Variants in PRUNE2 observed in about 807,000 individuals in gnomAD.
PRUNE2 encodes prune homolog 2 with BCH domain.
Under a neutral mutation model 252.0 loss-of-function variants are expected in PRUNE2, and 164 were observed. That is an observed-to-expected ratio of 0.65 (90% confidence interval 0.57 to 0.74). PRUNE2 has a LOEUF of 0.74. PRUNE2 is among the 30% of genes least tolerant of loss of function. The pLI is 0.00. For synonymous variants in PRUNE2, 1,292 were observed against 1,350.2 expected, an observed-to-expected ratio of 0.96 and a Z score of 0.94; for missense variants, 3,495 against 3,711.0, an observed-to-expected ratio of 0.94 and a Z score of 1.51.
intron 6 of PRUNE2, 139 bp from the exon 7 acceptor site, chr9:76,713,860 A>C: frequency 3.7e-6 from 2 of 547,188 alleles, no homozygotes; most frequent in Non-Finnish European, 6.1e-6. Flanking sequence ...GTTTGCTTTG[A>C]GAAGGAGTGG....
chr9:76,644,566 G>A (rs1310563178), intron 12 of PRUNE2, 173 bp downstream of exon 12: 1 of 729,056 alleles, frequency 1.4e-6, no homozygotes, highest in Admixed American at 2.0e-5. Context: ...GATTTCAAAT[G>A]TTTATTGAAT....
chr9:76,641,285 C>A (rs471891), intron 12 of PRUNE2, among the ~76,000 whole-genome samples: 125,718 of 151,662 alleles, frequency 0.83, 52,057 homozygotes, highest in African/African-American at 0.87. Flanking sequence ...GCAAAAAGAG[C>A]AGGAAGAAAG....
At chr9:76,665,558 T>A (rs989332994) in intron 9 of PRUNE2, among the ~76,000 whole-genome samples, 1 of 152,084 alleles carries the variant, frequency 6.6e-6, no homozygotes, top group Non-Finnish European at 1.5e-5. Context: ...TGCCACCCTC[T>A]CCACACACAC....
At chr9:76,700,804 A>G (rs775059097) in intron 9 of PRUNE2, among the ~76,000 whole-genome samples, 6 of 152,104 alleles carry the variant, frequency 3.9e-5, no homozygotes, top group East Asian at 1.9e-4. Flanking sequence ...CCCGAAACAG[A>G]TATCTCTCCT....
At position 76,828,794 on chromosome 9, in the gene PRUNE2, T is replaced by A. The variant is rs907296170; in HGVS notation, c.509-2062A>T. On this transcript the variant is annotated intron_variant, in intron 4 of 18. Transcript: ENST00000376718. ...ACTTTGGGAGGCCAAGGCTGGTGGA[T>A]CACCTGAGGTCAGGAGTTTAAGACC... Among the ~76,000 whole-genome samples, 7 of 152,066 alleles carry A rather than the reference T, an allele frequency of 4.6e-5. No individual in the cohort carries two copies. In the South Asian group the frequency reaches 1.5e-3, roughly 32 times the overall value.
chr9:76,830,371 G>A (rs1313151567), intron 4 of PRUNE2, among the ~76,000 whole-genome samples: 2 of 152,082 alleles, frequency 1.3e-5, no homozygotes, highest in Non-Finnish European at 2.9e-5. Context: ...AAAAACTGTG[G>A]GTTGGGCACG....
chr9:76,647,481 A>ACAACACCAAAGGCATGATC (rs1365813742), intron 11 of PRUNE2, among the ~76,000 whole-genome samples: 2 of 152,116 alleles, frequency 1.3e-5, no homozygotes, highest in African/African-American at 2.4e-5. Context: ...CTTTTTAGAT[A>ACAACACCAAAGGCATGATC]CAACACCAAA....
At chr9:76,747,754 T>C (rs1419897208) in intron 6 of PRUNE2, among the ~76,000 whole-genome samples, 1 of 152,028 alleles carries the variant, frequency 6.6e-6, no homozygotes, top group Non-Finnish European at 1.5e-5. Flanking sequence ...TGAGTACAAC[T>C]CTGTCTTCCT....
At chr9:76,785,578 T>C (rs1452264955) in intron 6 of PRUNE2, 1 of 152,224 alleles carries the variant, frequency 6.6e-6, no homozygotes, top group Non-Finnish European at 1.5e-5. Context: ...CTTTAGAATT[T>C]TGGCAAATCA....
intron 1 of PRUNE2, among the ~76,000 whole-genome samples, chr9:76,883,019 C>T (rs900199805): frequency 1.3e-5 from 2 of 152,250 alleles, no homozygotes; most frequent in East Asian, 1.9e-4. Context: ...TTCTTTCAGG[C>T]CTCAATTTTC....
At chr9:76,824,837 T>C (rs928119141) in intron 5 of PRUNE2, among the ~76,000 whole-genome samples, 6 of 152,186 alleles carry the variant, frequency 3.9e-5, no homozygotes, top group African/African-American at 1.4e-4. Flanking sequence ...GACTCAAAAA[T>C]TGAAAAGCCA....
chr9:76,677,893 A>G (rs932801984), intron 9 of PRUNE2, among the ~76,000 whole-genome samples: 2 of 151,818 alleles, frequency 1.3e-5, no homozygotes, highest in African/African-American at 4.8e-5. Flanking sequence ...CTTCCCCCAC[A>G]CCCCACGAGG....
chr9:76,627,307 T>A (rs1835337592), intron 16 of PRUNE2, among the ~76,000 whole-genome samples: 1 of 137,852 alleles, frequency 7.3e-6, no homozygotes, highest in Admixed American at 7.5e-5. Flanking sequence ...GGCGGGGGGC[T>A]CACCATGTTG....
At chr9:76,743,187 T>C (rs2049802855) in intron 6 of PRUNE2, among the ~76,000 whole-genome samples, 1 of 152,208 alleles carries the variant, frequency 6.6e-6, no homozygotes, top group Non-Finnish European at 1.5e-5. Context: ...TGTGGAACTG[T>C]AAGTCAATTA....
At chr9:76,881,464 T>C (rs956536031) in intron 1 of PRUNE2, among the ~76,000 whole-genome samples, 1 of 152,244 alleles carries the variant, frequency 6.6e-6, no homozygotes, top group African/African-American at 2.4e-5. Context: ...AACAATTCAA[T>C]GGAATTTAGT....
intron 16 of PRUNE2, among the ~76,000 whole-genome samples, chr9:76,625,802 T>G (rs1289302631): frequency 6.6e-6 from 1 of 152,194 alleles, no homozygotes; most frequent in Admixed American, 6.5e-5. Context: ...AGTGTCCTTT[T>G]CACAACCTTT....
intron 11 of PRUNE2, among the ~76,000 whole-genome samples, chr9:76,645,669 T>TA (rs992079758): frequency 3.9e-5 from 6 of 152,270 alleles, no homozygotes; most frequent in African/African-American, 7.2e-5. Context: ...CCATTTTTAT[T>TA]AAAAAAATAA....
intron 8 of PRUNE2, 58 bp downstream of exon 8, chr9:76,704,703 G>T: frequency 1.7e-6 from 2 of 1,167,836 alleles, no homozygotes; most frequent in South Asian, 1.6e-5. Flanking sequence ...TTACAAATAT[G>T]CACTAGTTTA....
chr9:76,883,066 G>A (rs762776945), intron 1 of PRUNE2, among the ~76,000 whole-genome samples: 5 of 151,958 alleles, frequency 3.3e-5, no homozygotes, highest in Non-Finnish European at 7.4e-5. Context: ...TTTTGTATAC[G>A]TGACTCCATT....
Sources: allele counts gnomAD v4.1 joint callset (sites outside exome capture counted in the v4.1 genomes callset), GRCh38; gene constraint gnomAD v4.1.1; transcripts MANE v1.5; gene names NCBI Gene and HGNC (gene_info 2026-07-23, HGNC 2026-07-21).